ACO2: variants seen among roughly 807,000 people sequenced by gnomAD.
The protein encoded by ACO2 is aconitase 2.
In ACO2, 31 loss-of-function variants were observed where a neutral mutation model predicts 84.5. That is an observed-to-expected ratio of 0.37 (90% CI 0.28 to 0.50). ACO2 has a LOEUF of 0.50. ACO2 is among the 20% of genes least tolerant of loss of function. The probability of loss-of-function intolerance (pLI) is 0.97; values close to 1 mark genes in which losing one functional copy is unlikely to be tolerated. For synonymous variants in ACO2, 414 were observed against 412.7 expected (o/e 1.00, Z -0.04); for missense variants, 685 against 1,029.3 (o/e 0.67, Z 4.58).
At chr22:41,494,220 T>C (rs965501138) in intron 1 of ACO2, among the ~76,000 whole-genome samples, 1 of 152,100 alleles carries the variant, frequency 6.6e-6, no homozygotes, top group African/African-American at 2.4e-5. Flanking sequence ...TTAAATGACT[T>C]GTCTGGGGCA....
intron 6 of ACO2, 185 bp downstream of exon 6, chr22:41,516,102 A>G: frequency 1.3e-6 from 1 of 749,160 alleles, no homozygotes. Context: ...CCACATCCTC[A>G]TTAAACAGAT....
chr22:41,471,615 C>T (rs1208957713), intron 1 of ACO2, among the ~76,000 whole-genome samples: 1 of 152,170 alleles, frequency 6.6e-6, no homozygotes, highest in Non-Finnish European at 1.5e-5. Flanking sequence ...TACCTGACTG[C>T]AGAGGGCCTT....
Position 41,527,703 on chromosome 22 carries a change from C to T in ACO2, c.2087-198C>T, listed in dbSNP as rs540728085. On this transcript the variant is annotated intron_variant, in intron 16 of 17. Transcript: ENST00000216254. ...TCATGAATGTGCAGCAGGAAGGCCT[C>T]GCAGACCTCAGCACCAGCGCACACT... 658 of 885,724 alleles carry T rather than the reference C, an allele frequency of 7.4e-4. 4 individuals carry two copies. Among genetic ancestry groups the T allele is most frequent in the Middle Eastern group, 1.7e-3 (7 of 4,134 alleles). The allele number at this position is 885,724 out of a possible 1,614,324, so 54.9% of individuals were successfully genotyped here.
chr22:41,488,833 G>A (rs1333786306), intron 1 of ACO2, among the ~76,000 whole-genome samples: 2 of 152,182 alleles, frequency 1.3e-5, no homozygotes, highest in Non-Finnish European at 2.9e-5. Flanking sequence ...TTTATAGACT[G>A]TGAGCTGGAA....
At chr22:41,509,709 G>C (rs1163972278) in intron 3 of ACO2, among the ~76,000 whole-genome samples, 2 of 152,030 alleles carry the variant, frequency 1.3e-5, no homozygotes, top group African/African-American at 4.8e-5. Flanking sequence ...TGGAAGAGCG[G>C]GTGGTATGAG....
chr22:41,526,829 T>C (rs1186278985), intron 15 of ACO2: 4 of 294,006 alleles, frequency 1.4e-5, no homozygotes, highest in African/African-American at 8.7e-5. Flanking sequence ...TTTTTCTGCT[T>C]TGAGAAACAA....
At chr22:41,518,991 C>A (rs2146129257) in intron 8 of ACO2, among the ~76,000 whole-genome samples, 1 of 152,216 alleles carries the variant, frequency 6.6e-6, no homozygotes, top group African/African-American at 2.4e-5. Flanking sequence ...GCCCCTGGGT[C>A]CCCAGTGTTC....
At chr22:41,481,953 C>T (rs144864559) in intron 1 of ACO2, among the ~76,000 whole-genome samples, 1 of 152,326 alleles carries the variant, frequency 6.6e-6, no homozygotes, top group African/African-American at 2.4e-5. Context: ...TCTGTCTTCT[C>T]ATGTAAACAA....
At chr22:41,521,692 G>T (rs969215704) in intron 9 of ACO2, 5 of 152,058 alleles carry the variant, frequency 3.3e-5, no homozygotes, top group African/African-American at 4.8e-5. Flanking sequence ...AATATTTGGT[G>T]GTTTAATAAT....
At position 41,527,333 on chromosome 22, in the gene ACO2, G is replaced by A. The variant is rs2066622306; in HGVS notation, c.1999G>A (p.Glu667Lys). 2.5e-6 allele frequency: 4 copies of A among 1,614,100 alleles called. No individual in the cohort carries two copies. The highest frequency in any genetic ancestry group is 3.4e-6 in the Non-Finnish European group (4 of 1,180,024). ...WVVIGDENYG[E>K]GSSREHAALE... ...GGTGATCGGAGACGAGAACTACGGC[G>A]AGGGCTCGAGCCGGGAGCATGCAGC... is the stretch of plus-strand genomic sequence containing the variant. Residue 667 changes from glutamate (E) to lysine (K), a missense_variant, in exon 16 of 18, where the codon GAG (glutamate) becomes AAG (lysine). Glu to Lys is a moderately conservative substitution (Grantham distance 56). Coordinates refer to ENST00000216254, the MANE Select transcript of ACO2 (RefSeq NM_001098.3).
rs532018395 is a variant in ACO2, at chr22:41,515,603, C to T, written c.684+68C>T. 5.0e-5 allele frequency: 79 copies of T among 1,574,202 alleles called. No homozygotes were observed. The South Asian group carries it at 6.7e-4, about 13-fold the overall frequency. ...GTGGTTGGTGGGGATGAACGGGAGA[C>T]GGTGGGACCCAGGAGGGAAAAGGGA... is the stretch of plus-strand genomic sequence containing the variant. On this transcript the variant is annotated intron_variant, in intron 5 of 17. Coordinates refer to ENST00000216254, the MANE Select transcript of ACO2 (RefSeq NM_001098.3). This position sits in a 1 kb window ranked among gnomAD's most constrained non-coding sequence, Gnocchi z 5.8.
intron 9 of ACO2, among the ~76,000 whole-genome samples, chr22:41,520,775 G>C (rs1428320334): frequency 6.6e-6 from 1 of 151,656 alleles, no homozygotes; most frequent in Non-Finnish European, 1.5e-5. Context: ...CCAGGAGGCG[G>C]AGGTTGCAAT....
intron 11 of ACO2, 95 bp from the exon 12 acceptor site, chr22:41,523,735 C>A (rs2066546843): frequency 8.7e-7 from 1 of 1,153,598 alleles, no homozygotes; most frequent in Non-Finnish European, 1.3e-6. Context: ...AGGAGCTAGG[C>A]TGGGCTGCGC....
intron 1 of ACO2, among the ~76,000 whole-genome samples, chr22:41,488,832 T>C (rs2066252144): frequency 6.6e-6 from 1 of 152,184 alleles, no homozygotes; most frequent in African/African-American, 2.4e-5. Flanking sequence ...ATTTATAGAC[T>C]GTGAGCTGGA....
chr22:41,525,227 C>T lies in ACO2; in HGVS notation c.1640C>T (p.Pro547Leu). The T allele has an allele frequency of 2.5e-6, 4 of 1,614,118 alleles. No homozygotes were observed. Among genetic ancestry groups the T allele is most frequent in the Non-Finnish European group, 3.4e-6 (4 of 1,180,014 alleles). Residue 547 changes from proline to leucine, a missense_variant, in exon 14 of 18, where the codon CCA becomes CTA. By Grantham distance (98) the Pro-to-Leu change is moderately conservative. Coordinates refer to ENST00000216254, the MANE Select transcript of ACO2 (RefSeq NM_001098.3). ...FDPGQDTYQH[P>L]PKDSSGQHVD... ...CCAGGGCAGGACACCTACCAGCACC[C>T]ACCCAAGGACAGCAGCGGGCAGCAT...
chr22:41,528,231 T>A lies in ACO2; in HGVS notation c.2208+209T>A, dbSNP rs1045717978. On this transcript the variant is annotated intron_variant, in intron 17 of 17. Coordinates refer to ENST00000216254, the MANE Select transcript of ACO2 (RefSeq NM_001098.3). ...CCGGGGCCCTCACACCTCCCCAACCTCCCTTTACTCACCAGGACCTGGCAC... is the reference window on the plus strand; with the variant it reads ...CCGGGGCCCTCACACCTCCCCAACCACCCTTTACTCACCAGGACCTGGCAC... 8 of 838,622 alleles carry A rather than the reference T, an allele frequency of 9.5e-6. No individual in the cohort carries two copies. The African/African-American group carries it at 1.4e-4, about 14-fold the overall frequency. The allele number at this position is 838,622 out of a possible 1,614,324, so 51.9% of individuals were successfully genotyped here.
chr22:41,476,684 T>C (rs2038018165), intron 1 of ACO2, among the ~76,000 whole-genome samples: 1 of 152,010 alleles, frequency 6.6e-6, no homozygotes, highest in Non-Finnish European at 1.5e-5. Context: ...TACTCCAGCT[T>C]GGGCAACAGA....
At chr22:41,508,089 G>GA (rs749213072) in intron 3 of ACO2, 40 bp downstream of exon 3, 234 of 1,582,204 alleles carry the variant, frequency 1.5e-4, no homozygotes, top group Non-Finnish European at 1.9e-4. Flanking sequence ...AAGTGGGCAA[G>GA]ACTGGGCGAG....
chr22:41,515,274 G>C lies in ACO2; in HGVS notation c.526-103G>C. ...GGCTGCTCCTACCAGTTCCATCCTG[G>C]GAGAGTGGCTGGACGTGGTTGGGAG... On this transcript the variant is annotated intron_variant, in intron 4 of 17. Coordinates refer to ENST00000216254, the MANE Select transcript of ACO2 (RefSeq NM_001098.3). This position sits in a 1 kb window ranked among gnomAD's most constrained non-coding sequence, Gnocchi z 5.8. 7.3e-7 allele frequency: 1 copy of C among 1,371,594 alleles called. No individual in the cohort carries two copies. The highest frequency in any genetic ancestry group is 1.0e-6 in the Non-Finnish European group (1 of 966,954). 85.0% of individuals were successfully genotyped at this position (1,371,594 alleles called of 1,614,324 possible). A position where few individuals can be genotyped will look rare whatever the true frequency, so the allele number is the denominator to read the frequency against.
Sources: gnomAD v4.1 joint callset for allele counts (sites outside exome capture counted in the v4.1 genomes callset) on GRCh38, gnomAD v4.1.1 for gene constraint, Gnocchi (gnomAD v3.1) non-coding constraint, MANE v1.5 for transcripts, NCBI Gene and HGNC (gene_info 2026-07-23, HGNC 2026-07-21) for gene names.